PEX5: variants seen among roughly 807,000 people sequenced by gnomAD.
PEX5 encodes the protein PTS1 receptor.
Under a neutral mutation model 82.9 loss-of-function variants are expected in PEX5, and 52 were observed. The observed-to-expected ratio is 0.63, with a 90% CI of 0.50 to 0.79. PEX5 has a LOEUF of 0.79. Among genes scored for constraint, PEX5 ranks in the 30% least tolerant of loss-of-function variants. PEX5 has a pLI of 0.00. For synonymous variants in PEX5, 300 were observed against 318.8 expected (o/e 0.94, Z 0.63); for missense variants, 719 against 815.2 (o/e 0.88, Z 1.44).
At chr12:7,215,664 C>A (rs1945756476), downstream of PEX5, among the ~76,000 whole-genome samples, 1 of 152,196 alleles carries the variant, frequency 6.6e-6, no homozygotes, top group Admixed American at 6.5e-5. Flanking sequence ...ACCACAGATT[C>A]TCACTTATAA....
In PEX5 at chr12:7,208,008, A is replaced by T; in HGVS notation, c.1111-2A>T. The T allele has an allele frequency of 6.2e-7, 1 of 1,612,836 alleles. No individual in the cohort carries two copies. The highest frequency in any genetic ancestry group is 8.5e-7 in the Non-Finnish European group (1 of 1,178,808). ...TGATGGAATCTGTCAACTTCCCTCT[A>T]GGCTTGGCAGTATCTGGGTACCACC... is the stretch of plus-strand genomic sequence containing the variant. On this transcript the variant is annotated splice_acceptor_variant, in intron 11 of 15. Transcript: ENST00000675855. LOFTEE classifies it high-confidence loss of function.
chr12:7,210,532 C>G lies in PEX5; in HGVS notation c.*309C>G. ...GGTAGGACCCCACGATTTAGGGTAA[C>G]TGTTATCATCAGCTGCCATTTCTGA... On this transcript the variant is annotated 3_prime_UTR_variant, in exon 16 of 16. Transcript: ENST00000675855. 2.1e-6 allele frequency: 1 copy of G among 484,620 alleles called. No homozygotes were observed. Among genetic ancestry groups the G allele is most frequent in the African/African-American group, 1.9e-5 (1 of 51,338 alleles). 30.0% of individuals were successfully genotyped at this position (484,620 alleles called of 1,614,324 possible).
In PEX5 at chr12:7,196,421, AATT is replaced by A. The variant is rs1211898721; in HGVS notation, c.449-2587_449-2585del. Among the ~76,000 whole-genome samples, 409 of 139,762 alleles carry A rather than the reference AATT, an allele frequency of 2.9e-3. 8 individuals are homozygous for A. The highest frequency in any genetic ancestry group is 0.01 in the African/African-American group (392 of 39,184). The allele number at this position is 139,762 out of a possible 152,430, so 91.7% of individuals were successfully genotyped here. On this transcript the variant is annotated intron_variant, in intron 5 of 15. Coordinates refer to ENST00000675855, the MANE Select transcript of PEX5 (RefSeq NM_001351132.2). ...ATATATGTGTCATATATAATGTAAT[AATT>A]ATATGTGCCATATATAATGTAATAA...
intron 5 of PEX5, among the ~76,000 whole-genome samples, chr12:7,194,709 C>T (rs779660701): frequency 1.3e-5 from 2 of 152,152 alleles, no homozygotes; most frequent in Admixed American, 1.3e-4. Flanking sequence ...TAGACAGCTT[C>T]GGTTGACATG....
intron 5 of PEX5, among the ~76,000 whole-genome samples, chr12:7,197,658 C>G (rs142049681): frequency 1.4e-4 from 22 of 151,736 alleles, no homozygotes; most frequent in Admixed American, 1.1e-3. Context: ...GATTTTGAGA[C>G]TACTTTGTTG....
At chr12:7,196,061 T>C (rs928158991) in intron 5 of PEX5, among the ~76,000 whole-genome samples, 18 of 146,394 alleles carry the variant, frequency 1.2e-4, no homozygotes, top group African/African-American at 4.0e-4. Flanking sequence ...CATTTTACAT[T>C]ATATATAATG....
downstream of PEX5, among the ~76,000 whole-genome samples, chr12:7,214,734 AG>A (rs1197352403): frequency 1.7e-4 from 13 of 77,288 alleles, no homozygotes; most frequent in African/African-American, 3.2e-4. Context: ...AAATAAAAAA[AG>A]AATTATTCTC....
chr12:7,214,643 C>T (rs1284598390), downstream of PEX5, among the ~76,000 whole-genome samples: 2 of 149,912 alleles, frequency 1.3e-5, no homozygotes, highest in Non-Finnish European at 3.0e-5. Context: ...GTGCAGCACA[C>T]CAGCATGGCA....
downstream of PEX5, among the ~76,000 whole-genome samples, chr12:7,212,255 G>A (rs150774415): frequency 0.019 from 2,949 of 151,286 alleles, 88 homozygotes; most frequent in African/African-American, 0.067. Flanking sequence ...GTGAGCCACC[G>A]TGCCCAGCCA....
intron 10 of PEX5, among the ~76,000 whole-genome samples, chr12:7,204,997 T>G (rs930744793): frequency 6.6e-6 from 1 of 152,184 alleles, no homozygotes; most frequent in Non-Finnish European, 1.5e-5. Context: ...AACTGAACCG[T>G]TACCTCACAC....
At chr12:7,191,843 C>T in intron 5 of PEX5, 143 bp downstream of exon 5, 1 of 774,096 alleles carries the variant, frequency 1.3e-6, no homozygotes, top group Admixed American at 1.9e-5. Context: ...ACTCAATTTC[C>T]CTTAGGTGAT....
upstream of PEX5, chr12:7,189,645 G>A: frequency 3.0e-6 from 1 of 332,074 alleles, no homozygotes. Flanking sequence ...GGCGGTCACG[G>A]CCCCTTTAAG....
Position 7,209,184 on chromosome 12 carries a change from A to C in PEX5, c.1560+14A>C. The C allele has an allele frequency of 6.2e-7, 1 of 1,612,674 alleles. No individual in the cohort carries two copies. Among genetic ancestry groups the C allele is most frequent in the Non-Finnish European group, 8.5e-7 (1 of 1,179,352 alleles). ...GTTCGTCCCAATGTGAGCCCAGGGG[A>C]GGAATGGAAATGGGACATGACTGTG... On this transcript the variant is annotated intron_variant, in intron 14 of 15. Transcript: ENST00000675855.
rs1337505400 is a variant in PEX5, at chr12:7,196,419, ATAAT to A, written c.449-2589_449-2586del. On this transcript the variant is annotated intron_variant, in intron 5 of 15. Transcript: ENST00000675855. ...ACATATATGTGTCATATATAATGTA[ATAAT>A]TATATGTGCCATATATAATGTAATA... 8.3e-4 allele frequency among the ~76,000 whole-genome samples: 112 copies of A among 135,342 alleles called. 1 individual carries two copies. Among genetic ancestry groups the A allele is most frequent in the Non-Finnish European group, 1.3e-3 (81 of 63,432 alleles). The allele number at this position is 135,342 out of a possible 152,430, so 88.8% of individuals were successfully genotyped here.
chr12:7,190,243 G>T, intron 1 of PEX5, 119 bp from the exon 2 acceptor site: 1 of 1,591,018 alleles, frequency 6.3e-7, no homozygotes, highest in South Asian at 1.1e-5. Flanking sequence ...AAGCACTGGG[G>T]TGGAGGGCGG....
chr12:7,202,584 T>C, intron 8 of PEX5, 28 bp from the exon 9 acceptor site: 1 of 1,592,764 alleles, frequency 6.3e-7, no homozygotes, highest in Non-Finnish European at 8.6e-7. Context: ...TTGGTGGTAG[T>C]GGTACTGACC....
chr12:7,197,750 G>C (rs1338471604), intron 5 of PEX5, among the ~76,000 whole-genome samples: 1 of 152,006 alleles, frequency 6.6e-6, no homozygotes, highest in Non-Finnish European at 1.5e-5. Context: ...AAGCAAGGGT[G>C]GTCAGATCTT....
At chr12:7,197,463 T>C (rs1942924223) in intron 5 of PEX5, among the ~76,000 whole-genome samples, 1 of 141,276 alleles carries the variant, frequency 7.1e-6, no homozygotes, top group Non-Finnish European at 1.5e-5. Context: ...AATGTAATAA[T>C]TATATATGTT....
chr12:7,208,101 G>A, intron 12 of PEX5, 21 bp downstream of exon 12: 2 of 1,569,546 alleles, frequency 1.3e-6, no homozygotes, highest in Admixed American at 3.3e-5. Flanking sequence ...TGAAAGGTGT[G>A]GGTGAGGTGC....
Sources: allele counts gnomAD v4.1 joint callset (sites outside exome capture counted in the v4.1 genomes callset), GRCh38; gene constraint gnomAD v4.1.1; transcripts MANE v1.5; gene names NCBI Gene and HGNC (gene_info 2026-07-23, HGNC 2026-07-21).